FHAD1: variants seen among roughly 807,000 people sequenced by gnomAD.
The protein encoded by FHAD1 is forkhead associated phosphopeptide binding domain 1.
Under a neutral mutation model 191.3 loss-of-function variants are expected in FHAD1, and 146 were observed. That is an observed-to-expected ratio of 0.76 (90% CI 0.67 to 0.88). The LOEUF (loss-of-function observed/expected upper bound fraction) is 0.88, where lower values mean the gene tolerates loss of function less well. Among genes scored for constraint, FHAD1 ranks in the 40% least tolerant of loss-of-function variants. The pLI is 0.00. For missense variants in FHAD1, 1,635 were observed against 1,785.8 expected, an observed-to-expected ratio of 0.92 and a Z score of 1.52; for synonymous variants, 616 against 672.3, an observed-to-expected ratio of 0.92 and a Z score of 1.29.
chr1:15,331,943 C>A lies in FHAD1; in HGVS notation c.1906+2402C>A, dbSNP rs1681796520. On this transcript the variant is annotated intron_variant, in intron 14 of 33. Coordinates refer to ENST00000688493, the MANE Select transcript of FHAD1 (RefSeq NM_001391957.1). ...GCACAGGGCCGCACCTTAAGGAACT[C>A]CAACATTTTGAAGCTTGTTGCTACT... Among the ~76,000 whole-genome samples, 6 of 152,060 alleles carry A rather than the reference C, an allele frequency of 3.9e-5. No individual in the cohort carries two copies. The South Asian group carries it at 1.2e-3, about 32-fold the overall frequency.
intron 6 of FHAD1, among the ~76,000 whole-genome samples, chr1:15,302,630 A>G (rs1016120434): frequency 2.0e-5 from 3 of 152,116 alleles, no homozygotes; most frequent in African/African-American, 7.2e-5. Context: ...GAGGCAGTAG[A>G]ATGGCATGAA....
intron 5 of FHAD1, among the ~76,000 whole-genome samples, chr1:15,297,063 T>G (rs1235660923): frequency 3.3e-5 from 5 of 152,218 alleles, no homozygotes; most frequent in African/African-American, 1.2e-4. Flanking sequence ...AAAATAGGTT[T>G]TTTAAATCAC....
chr1:15,253,192 AAGAGAGAG>A lies in FHAD1; in HGVS notation c.93+1320_93+1327del, dbSNP rs5772632. Among the ~76,000 whole-genome samples the A allele has an allele frequency of 5.5e-5, 8 of 144,794 alleles. No individual in the cohort carries two copies. The South Asian group carries it at 8.9e-4, about 16-fold the overall frequency. The allele number at this position is 144,794 out of a possible 152,430, so 95.0% of individuals were successfully genotyped here. On this transcript the variant is annotated intron_variant, in intron 2 of 33. Coordinates refer to ENST00000688493, the MANE Select transcript of FHAD1 (RefSeq NM_001391957.1). The stretch of plus-strand genomic sequence containing the variant: ...TGTGTGTGTGTGTGTGTGTCAGAGA[AAGAGAGAG>A]AGAGGACAATGTGTGTAGTTCTGTA...
chr1:15,376,662 A>G (rs1351868030), intron 28 of FHAD1, among the ~76,000 whole-genome samples: 1 of 152,188 alleles, frequency 6.6e-6, no homozygotes, highest in Non-Finnish European at 1.5e-5. Flanking sequence ...AAAATACTGA[A>G]GGAGATAATT....
At chr1:15,339,437 A>C (rs769996302) in intron 14 of FHAD1, 44 bp from the exon 15 acceptor site, 3 of 948,018 alleles carry the variant, frequency 3.2e-6, no homozygotes, top group Non-Finnish European at 4.4e-6. Context: ...CAAGCTTTGG[A>C]GTTGAATTGA....
chr1:15,341,752 C>A lies in FHAD1; in HGVS notation c.1994C>A (p.Ser665Tyr). 6.4e-7 allele frequency: 1 copy of A among 1,550,746 alleles called. No individual in the cohort carries two copies. The highest frequency in any genetic ancestry group is 1.2e-5 in the South Asian group (1 of 83,772). Residue 665 changes from serine (S) to tyrosine (Y), a missense_variant, in exon 16 of 34, where the codon TCT becomes TAT. Ser to Tyr is a moderately radical substitution (Grantham distance 144). Transcript: ENST00000688493. ...ACATTTCAGATCAAGTTCAACAGTT[C>A]TCAGGAAACTCAGCAGTCTTTACTG... ...AQELQIKFNS[S>Y]QETQQSLLQE...
At chr1:15,370,944 G>T (rs917024111) in intron 26 of FHAD1, among the ~76,000 whole-genome samples, 53 of 152,172 alleles carry the variant, frequency 3.5e-4, no homozygotes, top group African/African-American at 1.3e-3. Flanking sequence ...ACAGCATTGA[G>T]CCAGGGCCGC....
chr1:15,240,001 T>C (rs1459076372), intron 1 of FHAD1, among the ~76,000 whole-genome samples: 1 of 152,236 alleles, frequency 6.6e-6, no homozygotes, highest in East Asian at 1.9e-4. Context: ...TTACCTCTGG[T>C]GTTCACACCT....
intron 2 of FHAD1, among the ~76,000 whole-genome samples, chr1:15,264,081 CT>C (rs1300036285): frequency 6.6e-6 from 1 of 152,086 alleles, no homozygotes; most frequent in African/African-American, 2.4e-5. Flanking sequence ...TCCAACTGTT[CT>C]TCTTTTTCAA....
At chr1:15,321,450 T>C (rs533111482) in intron 10 of FHAD1, among the ~76,000 whole-genome samples, 1 of 152,354 alleles carries the variant, frequency 6.6e-6, no homozygotes, top group East Asian at 1.9e-4. Context: ...TTAATAATTA[T>C]GTCCTTCTTC....
intron 7 of FHAD1, among the ~76,000 whole-genome samples, chr1:15,309,732 C>T (rs1345952165): frequency 6.7e-6 from 1 of 148,162 alleles, no homozygotes; most frequent in Non-Finnish European, 1.5e-5. Context: ...TATGCGTGGC[C>T]CAAGACCCTT....
chr1:15,289,635 C>T lies in FHAD1; in HGVS notation c.537C>T (p.Asp179=), dbSNP rs768911697. 105 of 1,550,450 alleles carry T rather than the reference C, an allele frequency of 6.8e-5. No individual in the cohort carries two copies. The highest frequency in any genetic ancestry group is 8.6e-5 in the Non-Finnish European group (98 of 1,146,042). Residue 179 remains aspartate, a synonymous_variant, in exon 4 of 34, where the codon GAC becomes GAT. Coordinates refer to ENST00000688493, the MANE Select transcript of FHAD1 (RefSeq NM_001391957.1). The surrounding 1 kb of genome is among the most constrained non-coding windows in gnomAD (Gnocchi z 4.2). ...AGGAGATGTTCTCGTTCGTGGTGGACGACGCCCGCAAGCCACCCGTCATCA... is the reference window on the plus strand; with the variant it reads ...AGGAGATGTTCTCGTTCGTGGTGGATGACGCCCGCAAGCCACCCGTCATCA... The part of the protein sequence containing the change: ...ANKEMFSFVV[D]DARKPPVIKQ...
intron 3 of FHAD1, among the ~76,000 whole-genome samples, chr1:15,280,178 C>G (rs1331225521): frequency 2.6e-5 from 4 of 152,082 alleles, no homozygotes; most frequent in Admixed American, 1.3e-4. Flanking sequence ...TGTGGCTTTG[C>G]CTGTAACCAG....
chr1:15,326,346 C>T (rs765232487), intron 11 of FHAD1: 1 of 152,190 alleles, frequency 6.6e-6, no homozygotes, highest in Admixed American at 6.5e-5. Context: ...AATCAGGACA[C>T]CTTGGACTTG....
intron 1 of FHAD1, among the ~76,000 whole-genome samples, chr1:15,238,028 A>G (rs1644965573): frequency 6.6e-6 from 1 of 152,050 alleles, no homozygotes; most frequent in Non-Finnish European, 1.5e-5. Flanking sequence ...ACATGGGCAG[A>G]TCACGACGTC....
intron 20 of FHAD1, among the ~76,000 whole-genome samples, chr1:15,355,688 C>A (rs1363332906): frequency 6.6e-6 from 1 of 152,146 alleles, no homozygotes; most frequent in African/African-American, 2.4e-5. Flanking sequence ...CTGCCAGTGT[C>A]CCCAGTGAGC....
intron 10 of FHAD1, among the ~76,000 whole-genome samples, chr1:15,320,897 C>T (rs1252991943): frequency 2.0e-5 from 3 of 152,012 alleles, no homozygotes; most frequent in African/African-American, 4.8e-5. Flanking sequence ...TTTTTCTCCC[C>T]ATTCTTTCCT....
intron 3 of FHAD1, 74 bp downstream of exon 3, chr1:15,272,603 G>T: frequency 7.3e-7 from 1 of 1,371,666 alleles, no homozygotes; most frequent in Non-Finnish European, 1.0e-6. Context: ...GCAGCTGCAG[G>T]GTGGCGCTTA....
intron 32 of FHAD1, chr1:15,388,383 T>G: frequency 8.0e-7 from 1 of 1,245,424 alleles, no homozygotes. Flanking sequence ...ACGGATGACC[T>G]AAGAGACAAG....
Sources: allele counts gnomAD v4.1 joint callset (sites outside exome capture counted in the v4.1 genomes callset), GRCh38; gene constraint gnomAD v4.1.1; non-coding constraint Gnocchi (gnomAD v3.1); transcripts MANE v1.5; gene names NCBI Gene and HGNC (gene_info 2026-07-23, HGNC 2026-07-21).